HIVEP3: variants seen among roughly 807,000 people sequenced by gnomAD.
HIVEP3 encodes HIVEP zinc finger 3, also known as transcription factor HIVEP3.
In HIVEP3, 49 loss-of-function variants were observed where a neutral mutation model predicts 152.8. The observed-to-expected ratio is 0.32, with a 90% CI of 0.26 to 0.41. The LOEUF is 0.41. HIVEP3 is among the 10% of genes least tolerant of loss of function. HIVEP3 has a pLI of 1.00. For missense variants in HIVEP3, 2,790 were observed against 3,103.3 expected, an observed-to-expected ratio of 0.90 and a Z score of 2.40; for synonymous variants, 1,269 against 1,289.0, an observed-to-expected ratio of 0.98 and a Z score of 0.33.
chr1:41,534,378 C>A (rs1384804511), intron 5 of HIVEP3, among the ~76,000 whole-genome samples: 3 of 152,000 alleles, frequency 2.0e-5, no homozygotes, highest in African/African-American at 7.3e-5. Context: ...TCCAGCCATG[C>A]CAAAGGTCAC....
rs577484 is a variant in HIVEP3 at position 41,814,512 on chromosome 1, G to A, written c.-801+103901C>T. Among the ~76,000 whole-genome samples the A allele has an allele frequency of 3.9e-4, 60 of 152,224 alleles. 1 individual carries two copies. The highest frequency in any genetic ancestry group is 1.2e-3 in the African/African-American group (50 of 41,552). ...GATGCAGAACCAGAACTTGAATGCAGGCCCGGCTTCCCTAAGGCTAGTGCC... is the reference window on the plus strand; with the variant it reads ...GATGCAGAACCAGAACTTGAATGCAAGCCCGGCTTCCCTAAGGCTAGTGCC... On this transcript the variant is annotated intron_variant, in intron 1 of 8. Transcript: ENST00000372583.
intron 5 of HIVEP3, among the ~76,000 whole-genome samples, chr1:41,527,091 C>T (rs1401421885): frequency 8.8e-5 from 12 of 136,114 alleles, no homozygotes; most frequent in Non-Finnish European, 1.5e-4. Flanking sequence ...CACACACCCA[C>T]ACACCCACAC....
At position 41,584,588 on chromosome 1, in the gene HIVEP3, A is replaced by G; in HGVS notation, c.210T>C (p.Ser70=). The change falls in exon 4 of 9, where the codon TCT becomes TCC. Residue 70 remains serine (S), a synonymous_variant. Coordinates refer to ENST00000372583, the MANE Select transcript of HIVEP3 (RefSeq NM_024503.5). The surrounding 1 kb of genome is among the most constrained non-coding windows in gnomAD (Gnocchi z 5.2). The part of the protein sequence containing the change: ...PGPSSVLREG[S]QEKTGQQQKP... ...TCTGCTGCTGGCCCGTTTTCTCCTG[A>G]GAGCCTTCCCTAAGAACTGATGAGG... The G allele has an allele frequency of 1.2e-6, 2 of 1,613,922 alleles. No homozygotes were observed. Among genetic ancestry groups the G allele is most frequent in the Admixed American group, 1.7e-5 (1 of 60,006 alleles).
At chr1:41,720,190 T>C (rs1646654878) in intron 1 of HIVEP3, among the ~76,000 whole-genome samples, 1 of 152,168 alleles carries the variant, frequency 6.6e-6, no homozygotes, top group Non-Finnish European at 1.5e-5. Flanking sequence ...GGCAGGAAAT[T>C]CCATAATTGG....
At chr1:41,918,977 G>A (rs1183562296), upstream of HIVEP3, among the ~76,000 whole-genome samples, 2 of 152,036 alleles carry the variant, frequency 1.3e-5, no homozygotes, top group African/African-American at 4.8e-5. This position sits in a 1 kb window ranked among gnomAD's most constrained non-coding sequence, Gnocchi z 4.3. Context: ...TTATCACTTC[G>A]GAATAGCTGT....
At chr1:41,629,639 CA>C (rs1257333933) in intron 2 of HIVEP3, among the ~76,000 whole-genome samples, 1 of 152,088 alleles carries the variant, frequency 6.6e-6, no homozygotes, top group African/African-American at 2.4e-5. Flanking sequence ...CTTCTCAAAA[CA>C]AGACATACAA....
At chr1:42,035,562 C>T (rs539417967) in intron 1 of HIVEP3, among the ~76,000 whole-genome samples, 6 of 152,254 alleles carry the variant, frequency 3.9e-5, no homozygotes, top group South Asian at 2.1e-4. Flanking sequence ...GTAATCGGCC[C>T]GGGAAGGGGG....
intron 1 of HIVEP3, among the ~76,000 whole-genome samples, chr1:42,013,381 T>TA (rs1645504107): frequency 6.6e-6 from 1 of 152,214 alleles, no homozygotes; most frequent in South Asian, 2.1e-4. Context: ...ATTCAACCCA[T>TA]AACACCTCAG....
chr1:41,657,192 C>T (rs1421212417), intron 2 of HIVEP3, among the ~76,000 whole-genome samples: 1 of 152,198 alleles, frequency 6.6e-6, no homozygotes, highest in Non-Finnish European at 1.5e-5. Flanking sequence ...CCGACACTCC[C>T]ACAAGCCGGG....
chr1:41,534,805 G>GAC (rs1173849422), intron 5 of HIVEP3, among the ~76,000 whole-genome samples: 1 of 152,194 alleles, frequency 6.6e-6, no homozygotes, highest in African/African-American at 2.4e-5. Flanking sequence ...AAGGAGGCGG[G>GAC]ACACAGGCAG....
chr1:41,819,716 T>G (rs1387627758), intron 1 of HIVEP3, among the ~76,000 whole-genome samples: 1 of 152,220 alleles, frequency 6.6e-6, no homozygotes, highest in African/African-American at 2.4e-5. Context: ...ATATATGATA[T>G]TGGGGGTTTT....
intron 6 of HIVEP3, among the ~76,000 whole-genome samples, chr1:41,520,044 G>A (rs1642720546): frequency 6.6e-6 from 1 of 152,214 alleles, no homozygotes; most frequent in Non-Finnish European, 1.5e-5. Flanking sequence ...GGACAAATGG[G>A]AGAATGGTAG....
At chr1:41,974,730 C>T (rs1645250212) in intron 1 of HIVEP3, among the ~76,000 whole-genome samples, 1 of 152,108 alleles carries the variant, frequency 6.6e-6, no homozygotes, top group South Asian at 2.1e-4. Context: ...GGACAGTAAA[C>T]TCTGAATTGC....
chr1:41,984,966 G>A (rs1160582475), intron 1 of HIVEP3, among the ~76,000 whole-genome samples: 1 of 151,818 alleles, frequency 6.6e-6, no homozygotes, highest in Non-Finnish European at 1.5e-5. Context: ...AAGGCACTAA[G>A]TCAGAGGACT....
intron 1 of HIVEP3, among the ~76,000 whole-genome samples, chr1:41,951,935 A>G (rs1464248715): frequency 6.6e-6 from 1 of 152,178 alleles, no homozygotes; most frequent in Non-Finnish European, 1.5e-5. Flanking sequence ...TGCATACAAT[A>G]TATTTAAATA....
intron 5 of HIVEP3, among the ~76,000 whole-genome samples, chr1:41,557,935 G>A (rs987504810): frequency 3.9e-5 from 6 of 152,314 alleles, no homozygotes; most frequent in Admixed American, 6.5e-5. Flanking sequence ...AACAAGCCCT[G>A]CAAGCCTCAC....
intron 1 of HIVEP3, among the ~76,000 whole-genome samples, chr1:41,915,364 T>C (rs1006261199): frequency 3.9e-5 from 6 of 152,222 alleles, no homozygotes; most frequent in African/African-American, 1.4e-4. Context: ...TCTTGTGCCT[T>C]TTAAATTTTT....
intron 2 of HIVEP3, among the ~76,000 whole-genome samples, chr1:41,658,945 T>C (rs1645670904): frequency 6.6e-6 from 1 of 152,148 alleles, no homozygotes; most frequent in Non-Finnish European, 1.5e-5. Context: ...AAGTCTGACC[T>C]TTTCCTCATT....
intron 1 of HIVEP3, among the ~76,000 whole-genome samples, chr1:41,773,711 C>A (rs1304676283): frequency 1.3e-5 from 2 of 152,182 alleles, no homozygotes; most frequent in Non-Finnish European, 2.9e-5. Flanking sequence ...AAAGCTGAGG[C>A]CCAGAGAAAG....
Sources: allele counts gnomAD v4.1 joint callset (sites outside exome capture counted in the v4.1 genomes callset), GRCh38; gene constraint gnomAD v4.1.1; non-coding constraint Gnocchi (gnomAD v3.1); transcripts MANE v1.5; gene names NCBI Gene and HGNC (gene_info 2026-07-23, HGNC 2026-07-21).